Variants in FAM24B observed in about 807,000 individuals in gnomAD.
FAM24B encodes protein FAM24B.
A neutral mutation model predicts 2.3 loss-of-function variants in FAM24B; 3 were observed. The ratio of observed to expected loss-of-function variants is 1.29; its 90% CI spans 0.59 to 3.32. The LOEUF (loss-of-function observed/expected upper bound fraction) is 3.32, where lower values mean the gene tolerates loss of function less well. FAM24B is among the 30% of genes most tolerant of loss of function. The pLI is 0.03. For missense variants in FAM24B, 98 were observed against 117.2 expected (o/e 0.84, Z 0.76); for synonymous variants, 36 against 46.3 (o/e 0.78, Z 0.90).
intron 1 of FAM24B, among the ~76,000 whole-genome samples, chr10:122,875,743 C>G (rs2133843524): frequency 9.2e-6 from 1 of 109,262 alleles, no homozygotes; most frequent in East Asian, 2.6e-4. Context: ...AAGGCAGTCT[C>G]CTAATTAAAA....
rs191790732 is a variant in FAM24B, at chr10:122,859,073, G to A, written c.-177-3287C>T. Among the ~76,000 whole-genome samples, 252 of 152,294 alleles carry A rather than the reference G, an allele frequency of 1.7e-3. 1 individual carries two copies. Among genetic ancestry groups the A allele is most frequent in the Non-Finnish European group, 2.8e-3 (193 of 68,038 alleles). On this transcript the variant is annotated intron_variant, in intron 1 of 3. Transcript: ENST00000368898. ...TCTCTGCATCTTTTGGATGGAAGTG[G>A]ACAGCACACATAAGACAAGGCAAGA...
chr10:122,856,549 A>T (rs561785287), intron 1 of FAM24B, among the ~76,000 whole-genome samples: 1 of 152,072 alleles, frequency 6.6e-6, no homozygotes, highest in Non-Finnish European at 1.5e-5. Context: ...CTCAATCCCA[A>T]TGAGAACGGC....
intron 1 of FAM24B, among the ~76,000 whole-genome samples, chr10:122,877,664 G>A (rs553815550): frequency 2.6e-5 from 4 of 152,278 alleles, no homozygotes; most frequent in African/African-American, 9.6e-5. Context: ...AGTTGAGTTT[G>A]GGGGAAGGCC....
intron 1 of FAM24B, among the ~76,000 whole-genome samples, chr10:122,856,582 C>G (rs1019244043): frequency 2.0e-5 from 3 of 152,166 alleles, no homozygotes; most frequent in African/African-American, 7.2e-5. Context: ...AACGACCAGA[C>G]AGCAAAAGCA....
Position 122,871,934 on chromosome 10 carries a change from A to C in FAM24B, c.-178+7551T>G, listed in dbSNP as rs1847904463. 2.0e-5 allele frequency among the ~76,000 whole-genome samples: 3 copies of C among 152,352 alleles called. No individual in the cohort carries two copies. The South Asian group carries it at 6.2e-4, about 32-fold the overall frequency. ...AATGGCAACAAAAGCCAAAATTGAC[A>C]AACGGGATCTAATTAAACTAAAGAG... On this transcript the variant is annotated intron_variant, in intron 1 of 3. Transcript: ENST00000368898.
chr10:122,860,551 T>A (rs139798720), intron 1 of FAM24B, among the ~76,000 whole-genome samples: 1 of 152,350 alleles, frequency 6.6e-6, no homozygotes, highest in East Asian at 1.9e-4. Context: ...AATTGCTGGG[T>A]TGTGTATTCA....
intron 2 of FAM24B, among the ~76,000 whole-genome samples, chr10:122,853,755 A>C (rs1847587998): frequency 6.6e-6 from 1 of 152,196 alleles, no homozygotes; most frequent in Admixed American, 6.5e-5. Flanking sequence ...AAGTGAAAAT[A>C]AATTAGCCAG....
chr10:122,878,520 A>C (rs1303862301), intron 1 of FAM24B, among the ~76,000 whole-genome samples: 2 of 151,704 alleles, frequency 1.3e-5, no homozygotes, highest in Non-Finnish European at 2.9e-5. Context: ...TGACAGACTG[A>C]AACTCCATCT....
At chr10:122,870,271 T>C (rs1266893187) in intron 1 of FAM24B, among the ~76,000 whole-genome samples, 2 of 152,018 alleles carry the variant, frequency 1.3e-5, no homozygotes, top group African/African-American at 4.8e-5. Flanking sequence ...CAATAACAGG[T>C]GCTGAAATTG....
At chr10:122,860,717 T>C (rs1847715276) in intron 1 of FAM24B, among the ~76,000 whole-genome samples, 1 of 152,250 alleles carries the variant, frequency 6.6e-6, no homozygotes, top group Admixed American at 6.5e-5. Context: ...TTGCTTGTCA[T>C]TCTAACACAT....
chr10:122,850,372 T>C, intron 3 of FAM24B, 52 bp downstream of exon 3: 26 of 1,452,568 alleles, frequency 1.8e-5, no homozygotes, highest in Non-Finnish European at 2.5e-5. Context: ...CTATCCCCTT[T>C]TCCCCATGTG....
intron 2 of FAM24B, among the ~76,000 whole-genome samples, chr10:122,852,242 C>A (rs1224089909): frequency 6.6e-6 from 1 of 152,068 alleles, no homozygotes; most frequent in African/African-American, 2.4e-5. Flanking sequence ...CAGCCACCCC[C>A]AAAACTAAAG....
At chr10:122,854,187 G>C (rs972706594) in intron 2 of FAM24B, among the ~76,000 whole-genome samples, 1 of 152,182 alleles carries the variant, frequency 6.6e-6, no homozygotes, top group African/African-American at 2.4e-5. Flanking sequence ...TTATTAAAAA[G>C]AATGCATACT....
chr10:122,862,264 A>G (rs539399736), intron 1 of FAM24B, among the ~76,000 whole-genome samples: 73 of 152,332 alleles, frequency 4.8e-4, no homozygotes, highest in Non-Finnish European at 7.8e-4. Flanking sequence ...ATTAGATTCT[A>G]AACAGCAATT....
chr10:122,851,730 A>G (rs1253098848), intron 2 of FAM24B, among the ~76,000 whole-genome samples: 2 of 152,206 alleles, frequency 1.3e-5, no homozygotes, highest in African/African-American at 4.8e-5. Context: ...TATGGCCCAT[A>G]AAGGAGTGGG....
chr10:122,851,899 TA>T (rs1308562325), intron 2 of FAM24B, among the ~76,000 whole-genome samples: 1 of 151,838 alleles, frequency 6.6e-6, no homozygotes, highest in South Asian at 2.1e-4. Context: ...CCAATAAAGA[TA>T]AAAATTATCA....
intron 2 of FAM24B, among the ~76,000 whole-genome samples, chr10:122,851,899 T>C (rs528372504): frequency 6.6e-4 from 101 of 151,956 alleles, no homozygotes; most frequent in African/African-American, 2.3e-3. Context: ...CCAATAAAGA[T>C]AAAAATTATC....
chr10:122,849,091 G>T lies in FAM24B; in HGVS notation c.*156C>A. ...AATCAAAAAATATTGGCAGCAAAGAGGATTATTTTTAATAGTGTACATTTA... is the reference window on the plus strand; with the variant it reads ...AATCAAAAAATATTGGCAGCAAAGATGATTATTTTTAATAGTGTACATTTA... On this transcript the variant is annotated 3_prime_UTR_variant, in exon 4 of 4. Transcript: ENST00000368898. The T allele has an allele frequency of 4.3e-6, 2 of 470,358 alleles. No homozygotes were observed. Among genetic ancestry groups the T allele is most frequent in the Non-Finnish European group, 7.0e-6 (2 of 283,764 alleles). 29.1% of individuals were successfully genotyped at this position (470,358 alleles called of 1,614,324 possible). A position where few individuals can be genotyped will look rare whatever the true frequency, so the allele number is the denominator to read the frequency against.
intron 1 of FAM24B, among the ~76,000 whole-genome samples, chr10:122,864,614 T>C (rs1245442189): frequency 6.6e-6 from 1 of 152,244 alleles, no homozygotes; most frequent in East Asian, 1.9e-4. Context: ...TTTCTCACTC[T>C]GTGTGTACAG....
Sources: allele counts gnomAD v4.1 joint callset (sites outside exome capture counted in the v4.1 genomes callset), GRCh38; gene constraint gnomAD v4.1.1; transcripts MANE v1.5; gene names NCBI Gene and HGNC (gene_info 2026-07-23, HGNC 2026-07-21).